The following PRKG1 variants were observed in gnomAD, a reference collection of about 807,000 sequenced individuals.
The protein encoded by PRKG1 is cGMP-dependent protein kinase 1.
Under a neutral mutation model 88.1 loss-of-function variants are expected in PRKG1, and 35 were observed. The observed-to-expected ratio is 0.40, with a 90% confidence interval of 0.30 to 0.53. The LOEUF is 0.53. Among genes scored for constraint, PRKG1 ranks in the 20% least tolerant of loss-of-function variants. The pLI is 0.59. For missense variants in PRKG1, 540 were observed against 839.8 expected (o/e 0.64, Z 4.41); for synonymous variants, 303 against 292.5 (o/e 1.04, Z -0.37).
intron 3 of PRKG1, among the ~76,000 whole-genome samples, chr10:51,655,602 T>A (rs1017434839): frequency 6.6e-6 from 1 of 151,630 alleles, no homozygotes; most frequent in African/African-American, 2.4e-5. Flanking sequence ...GAAAAAAAAA[T>A]ATATATACTT....
At chr10:51,464,743 T>C (rs1338328976) in intron 2 of PRKG1, among the ~76,000 whole-genome samples, 1 of 150,652 alleles carries the variant, frequency 6.6e-6, no homozygotes, top group Non-Finnish European at 1.5e-5. Context: ...TACAAAAAAT[T>C]AGCCGGGCGT....
chr10:51,748,241 G>A (rs1837630442), intron 3 of PRKG1, among the ~76,000 whole-genome samples: 1 of 152,156 alleles, frequency 6.6e-6, no homozygotes, highest in South Asian at 2.1e-4. Context: ...GTTTGGATAG[G>A]TGCCATTACA....
intron 3 of PRKG1, among the ~76,000 whole-genome samples, chr10:51,561,196 A>C (rs987519891): frequency 2.6e-5 from 4 of 152,030 alleles, no homozygotes; most frequent in Non-Finnish European, 5.9e-5. Flanking sequence ...ATATGCCTAT[A>C]GTCCCAGATA....
chr10:51,031,006 A>T (rs914391671), intron 1 of PRKG1, among the ~76,000 whole-genome samples: 2 of 152,138 alleles, frequency 1.3e-5, no homozygotes, highest in African/African-American at 4.8e-5. Flanking sequence ...TTTTTTTACT[A>T]GTTAGAGATT....
At chr10:51,600,701 C>T (rs1261921597) in intron 3 of PRKG1, among the ~76,000 whole-genome samples, 1 of 152,030 alleles carries the variant, frequency 6.6e-6, no homozygotes, top group East Asian at 1.9e-4. Context: ...AGGTACTTTA[C>T]ACTTACAGCA....
At chr10:51,592,436 T>C (rs1838334622) in intron 3 of PRKG1, among the ~76,000 whole-genome samples, 1 of 152,152 alleles carries the variant, frequency 6.6e-6, no homozygotes. Context: ...GATTGTGTGC[T>C]CCACTTTGCT....
intron 6 of PRKG1, 90 bp from the exon 7 acceptor site, chr10:52,062,447 A>G: frequency 1.3e-6 from 1 of 751,324 alleles, no homozygotes; most frequent in Non-Finnish European, 2.0e-6. Context: ...AAGAAAAGAA[A>G]CAAGAAACGG....
intron 1 of PRKG1, among the ~76,000 whole-genome samples, chr10:51,093,785 A>ATT (rs1417798673): frequency 8.4e-4 from 110 of 130,524 alleles, no homozygotes; most frequent in African/African-American, 3.3e-3. Context: ...ATATATATGT[A>ATT]TTTTATATAT....
At chr10:51,991,282 G>C (rs2133128551) in intron 5 of PRKG1, among the ~76,000 whole-genome samples, 1 of 152,132 alleles carries the variant, frequency 6.6e-6, no homozygotes, top group South Asian at 2.1e-4. Flanking sequence ...TCTGCAAACT[G>C]GGACAATTTT....
At chr10:51,379,568 T>A (rs1004341322) in intron 2 of PRKG1, among the ~76,000 whole-genome samples, 14 of 152,358 alleles carry the variant, frequency 9.2e-5, no homozygotes, top group African/African-American at 3.4e-4. Flanking sequence ...TCTGTAGAGC[T>A]TATCCAACTT....
At chr10:51,931,252 A>G (rs527730900) in intron 5 of PRKG1, among the ~76,000 whole-genome samples, 17 of 152,226 alleles carry the variant, frequency 1.1e-4, no homozygotes, top group Non-Finnish European at 1.9e-4. Context: ...TTAATGTACC[A>G]GGGGTCAATT....
intron 1 of PRKG1, among the ~76,000 whole-genome samples, chr10:51,111,382 TCCATCC>T (rs1441577303): frequency 6.6e-6 from 1 of 152,160 alleles, no homozygotes; most frequent in Non-Finnish European, 1.5e-5. Context: ...GAATGGGGTA[TCCATCC>T]CCTCCAGCCT....
intron 2 of PRKG1, among the ~76,000 whole-genome samples, chr10:51,323,596 A>T (rs1841508481): frequency 6.6e-6 from 1 of 152,226 alleles, no homozygotes; most frequent in Admixed American, 6.5e-5. Flanking sequence ...TAATAATAAG[A>T]ATTAAAATCT....
intron 3 of PRKG1, among the ~76,000 whole-genome samples, chr10:51,520,871 A>G (rs1181520550): frequency 2.0e-5 from 3 of 152,236 alleles, no homozygotes; most frequent in Non-Finnish European, 4.4e-5. Context: ...TATGAAAAAC[A>G]TGCAGTCTTC....
intron 9 of PRKG1, among the ~76,000 whole-genome samples, chr10:52,224,079 T>G (rs1840317710): frequency 6.6e-6 from 1 of 152,094 alleles, no homozygotes; most frequent in Non-Finnish European, 1.5e-5. Flanking sequence ...CTCAGAGCTC[T>G]CCAGAGGCTC....
chr10:51,449,933 C>T lies in PRKG1; in HGVS notation c.479-17790C>T, dbSNP rs183408644. 5.3e-3 allele frequency among the ~76,000 whole-genome samples: 799 copies of T among 151,524 alleles called. 8 individuals are homozygous for T. The highest frequency in any genetic ancestry group is 0.017 in the African/African-American group (695 of 41,350). Reference sequence around the variant, plus strand: ...GAAAACTTCTTATTTGTTTTTGATGCGAATCAGTGAATAAACTAAAAATCT... The same window carrying T: ...GAAAACTTCTTATTTGTTTTTGATGTGAATCAGTGAATAAACTAAAAATCT... On this transcript the variant is annotated intron_variant, in intron 2 of 17. Transcript: ENST00000373980.
chr10:52,176,173 CTTT>C (rs140722137), intron 9 of PRKG1, among the ~76,000 whole-genome samples: 11 of 95,680 alleles, frequency 1.1e-4, no homozygotes, highest in Middle Eastern at 7.8e-3. Context: ...TTCTTTTTCT[CTTT>C]TTTTTTTTTT....
At chr10:52,267,888 G>C (rs1383989173) in intron 10 of PRKG1, among the ~76,000 whole-genome samples, 2 of 151,982 alleles carry the variant, frequency 1.3e-5, no homozygotes, top group African/African-American at 4.8e-5. Context: ...TTTTCCATTA[G>C]AAACAATGTT....
intron 7 of PRKG1, among the ~76,000 whole-genome samples, chr10:52,101,904 G>T: frequency 6.6e-6 from 1 of 152,292 alleles, no homozygotes; most frequent in South Asian, 2.1e-4. Context: ...AAGAAGAGGA[G>T]TCAGCACCAG....
Sources: gnomAD v4.1 joint callset for allele counts (sites outside exome capture counted in the v4.1 genomes callset) on GRCh38, gnomAD v4.1.1 for gene constraint, MANE v1.5 for transcripts, NCBI Gene and HGNC (gene_info 2026-07-23, HGNC 2026-07-21) for gene names.